NUF2: variants seen among roughly 807,000 people sequenced by gnomAD.
NUF2 encodes the protein kinetochore protein Nuf2.
In NUF2, 34 loss-of-function variants were observed where a neutral mutation model predicts 61.8. That is an observed-to-expected ratio of 0.55 (90% CI 0.42 to 0.73). NUF2 has a LOEUF of 0.73. Ranked by LOEUF, NUF2 falls within the 30% of genes least tolerant of loss-of-function variation. The pLI, the probability that NUF2 is intolerant of heterozygous loss-of-function variation, is 0.00. For synonymous variants in NUF2, 172 were observed against 181.6 expected, an observed-to-expected ratio of 0.95 and a Z score of 0.42; for missense variants, 445 against 539.1, an observed-to-expected ratio of 0.83 and a Z score of 1.73.
intron 5 of NUF2, among the ~76,000 whole-genome samples, chr1:163,332,597 C>T (rs1200953372): frequency 6.6e-6 from 1 of 152,048 alleles, no homozygotes; most frequent in Non-Finnish European, 1.5e-5. Flanking sequence ...CCTTTTCTAG[C>T]TTCTAGGGTT....
At chr1:163,326,900 C>T (rs1650435050) in intron 2 of NUF2, among the ~76,000 whole-genome samples, 2 of 152,236 alleles carry the variant, frequency 1.3e-5, no homozygotes, top group East Asian at 3.9e-4. Flanking sequence ...CGTCTTAATG[C>T]TCACCCAATA....
At chr1:163,325,922 A>C in intron 1 of NUF2, 110 bp from the exon 2 acceptor site, 1 of 666,660 alleles carries the variant, frequency 1.5e-6, no homozygotes, top group South Asian at 2.3e-5. Context: ...GATAGTTAAC[A>C]CTACTATGAA....
intron 2 of NUF2, 54 bp from the exon 3 acceptor site, chr1:163,327,434 T>C (rs373638663): frequency 7.0e-5 from 63 of 900,752 alleles, no homozygotes; most frequent in Non-Finnish European, 1.5e-5. Context: ...ATGATGATAG[T>C]GACATAGCTT....
At chr1:163,331,642 T>G (rs1650602355) in intron 5 of NUF2, among the ~76,000 whole-genome samples, 1 of 152,084 alleles carries the variant, frequency 6.6e-6, no homozygotes, top group African/African-American at 2.4e-5. Context: ...CAGTTTTCTC[T>G]CTGGGATAAA....
chr1:163,323,969 T>G (rs1650328411), intron 1 of NUF2, among the ~76,000 whole-genome samples: 1 of 84,926 alleles, frequency 1.2e-5, no homozygotes, highest in Non-Finnish European at 2.6e-5. Context: ...GATCAGTAAG[T>G]GCTACAGCAG....
chr1:163,347,532 A>T (rs2292272), intron 11 of NUF2, among the ~76,000 whole-genome samples: 1 of 151,920 alleles, frequency 6.6e-6, no homozygotes, highest in African/African-American at 2.4e-5. Context: ...TTCAGTCTGT[A>T]CTGATAGAAA....
In NUF2 at chr1:163,345,798, T is replaced by A; in HGVS notation, c.928T>A (p.Leu310Ile). ...IQDLSDNREK[L>I]ASILKESLNL... ...GGACCTTTCAGATAATAGGGAAAAA[T>A]TAGCCAGTATCTTAAAGGAGGTTTG... The change falls in exon 11 of 14, where the codon TTA (leucine) becomes ATA (isoleucine). Residue 310 changes from leucine to isoleucine, a missense_variant. Coordinates refer to ENST00000271452, the MANE Select transcript of NUF2 (RefSeq NM_145697.3). 7 of 1,605,184 alleles carry A rather than the reference T, an allele frequency of 4.4e-6. No homozygotes were observed. Among genetic ancestry groups the A allele is most frequent in the Non-Finnish European group, 6.0e-6 (7 of 1,173,670 alleles).
intron 8 of NUF2, among the ~76,000 whole-genome samples, chr1:163,340,009 G>A (rs564532358): frequency 1.1e-3 from 174 of 152,174 alleles, no homozygotes; most frequent in Non-Finnish European, 2.2e-3. Flanking sequence ...TGAAATATAC[G>A]CTCCAACGTA....
At chr1:163,330,112 G>A (rs1442553661) in intron 5 of NUF2, among the ~76,000 whole-genome samples, 1 of 152,104 alleles carries the variant, frequency 6.6e-6, no homozygotes, top group African/African-American at 2.4e-5. Flanking sequence ...CTACTCTAAT[G>A]GTAGATACTT....
At chr1:163,324,769 A>G (rs1002177885) in intron 1 of NUF2, among the ~76,000 whole-genome samples, 2 of 152,170 alleles carry the variant, frequency 1.3e-5, no homozygotes, top group African/African-American at 4.8e-5. Flanking sequence ...AAGAAAATGA[A>G]AAGATCCTTA....
chr1:163,348,837 G>T, intron 12 of NUF2, 108 bp from the exon 13 acceptor site: 1 of 1,227,226 alleles, frequency 8.1e-7, no homozygotes, highest in Non-Finnish European at 1.2e-6. Flanking sequence ...AGAGTTTTAG[G>T]TTTGTCAAAT....
chr1:163,325,743 T>C (rs1053446658), intron 1 of NUF2, among the ~76,000 whole-genome samples: 2 of 152,186 alleles, frequency 1.3e-5, no homozygotes, highest in African/African-American at 4.8e-5. Context: ...GCACGTGGTT[T>C]CTCATCTATC....
In NUF2 at chr1:163,328,302, T is replaced by G; in HGVS notation, c.273T>G (p.His91Gln). 2 of 1,568,116 alleles carry G rather than the reference T, an allele frequency of 1.3e-6. No homozygotes were observed. The highest frequency in any genetic ancestry group is 2.3e-5 in the South Asian group (2 of 88,574). Residue 91 changes from histidine to glutamine, a missense_variant and splice_region_variant, in exon 4 of 14, where the codon CAT (histidine) becomes CAG (glutamine). By Grantham distance (24) the His-to-Gln change is conservative. Transcript: ENST00000271452. Reference protein sequence around the residue: ...GFLPFSNLVTHLDSFLPICRV... With the variant: ...GFLPFSNLVTQLDSFLPICRV... The stretch of plus-strand genomic sequence containing the variant: ...TACCATTCAGCAATTTAGTTACTCA[T>G]CTGTGAGTAAAGAGTGATTTTATTG...
At chr1:163,326,604 A>C (rs866116432) in intron 2 of NUF2, among the ~76,000 whole-genome samples, 1 of 152,034 alleles carries the variant, frequency 6.6e-6, no homozygotes, top group Non-Finnish European at 1.5e-5. Context: ...CCCCAGGGGG[A>C]ATTGACTTGT....
chr1:163,330,843 T>C (rs1277434026), intron 5 of NUF2, among the ~76,000 whole-genome samples: 2 of 152,026 alleles, frequency 1.3e-5, no homozygotes, highest in African/African-American at 4.8e-5. Flanking sequence ...TTAATTTAAA[T>C]TTTCTGATTA....
At chr1:163,323,743 C>T (rs1029895994) in intron 1 of NUF2, among the ~76,000 whole-genome samples, 5 of 151,922 alleles carry the variant, frequency 3.3e-5, no homozygotes, top group Non-Finnish European at 5.9e-5. Flanking sequence ...ATAGACAAAA[C>T]GTCCTAGCTC....
chr1:163,347,643 A>T (rs1168514273), intron 11 of NUF2, 120 bp from the exon 12 acceptor site: 2 of 718,378 alleles, frequency 2.8e-6, no homozygotes, highest in East Asian at 6.2e-5. Flanking sequence ...CAGGTTTTAA[A>T]GAGTTTTGTC....
chr1:163,332,440 A>C (rs1300601144), intron 5 of NUF2, among the ~76,000 whole-genome samples: 2 of 152,174 alleles, frequency 1.3e-5, no homozygotes, highest in African/African-American at 4.8e-5. Context: ...ATAAATCACC[A>C]CAAACTTGGT....
rs1037761040 is a variant in NUF2, at chr1:163,322,023, G to T, written c.-210G>T. On this transcript the variant is annotated 5_prime_UTR_variant, in exon 1 of 14. Coordinates refer to ENST00000271452, the MANE Select transcript of NUF2 (RefSeq NM_145697.3). Reference sequence around the variant, plus strand: ...CTGATTTTTGACTTTGCTTGTAGCTGCTCCCCGAACTCGCCGTCTTCCTGT... The same window carrying T: ...CTGATTTTTGACTTTGCTTGTAGCTTCTCCCCGAACTCGCCGTCTTCCTGT... 2 of 152,306 alleles carry T rather than the reference G, an allele frequency of 1.3e-5. No individual in the cohort carries two copies. Among genetic ancestry groups the T allele is most frequent in the Non-Finnish European group, 2.9e-5 (2 of 68,146 alleles). The allele number at this position is 152,306 out of a possible 1,614,324, so 9.4% of individuals were successfully genotyped here.
Sources: allele counts gnomAD v4.1 joint callset (sites outside exome capture counted in the v4.1 genomes callset), GRCh38; gene constraint gnomAD v4.1.1; transcripts MANE v1.5; gene names NCBI Gene and HGNC (gene_info 2026-07-23, HGNC 2026-07-21).